The following ABCB1 variants were observed in gnomAD, a reference collection of about 807,000 sequenced individuals.
ABCB1 encodes ATP binding cassette subfamily B member 1.
A neutral mutation model predicts 142.0 loss-of-function variants in ABCB1; 69 were observed. That is an observed-to-expected ratio of 0.49 (90% CI 0.40 to 0.59). The LOEUF (loss-of-function observed/expected upper bound fraction) is 0.59. Among genes scored for constraint, ABCB1 ranks in the 20% least tolerant of loss-of-function variants. The probability of loss-of-function intolerance (pLI) is 0.00; values close to 1 mark genes in which losing one functional copy is unlikely to be tolerated. For synonymous variants in ABCB1, 532 were observed against 539.2 expected, an observed-to-expected ratio of 0.99 and a Z score of 0.18; for missense variants, 1,326 against 1,554.7, an observed-to-expected ratio of 0.85 and a Z score of 2.47.
intron 26 of ABCB1, among the ~76,000 whole-genome samples, chr7:87,507,645 T>A (rs1012152488): frequency 7.9e-5 from 12 of 152,168 alleles, no homozygotes; most frequent in Non-Finnish European, 1.6e-4. Flanking sequence ...GAAGGGAATC[T>A]TGGGAAAGAG....
In ABCB1 at chr7:87,639,927, G is replaced by A. The variant is rs28746501; in HGVS notation, c.-330-38849C>T. 7.9e-3 allele frequency among the ~76,000 whole-genome samples: 1,203 copies of A among 151,494 alleles called. 10 individuals are homozygous for A. The highest frequency in any genetic ancestry group is 0.013 in the Non-Finnish European group (903 of 67,808). ...ATTTATAGCTATCTTACTGTTCATT[G>A]TATGTTTGCTTTTTTCTCTTTTCTT... On this transcript the variant is annotated intron_variant, in intron 1 of 28. Coordinates refer to the ABCB1 transcript ENST00000265724.
Position 87,626,118 on chromosome 7 carries a change from T to TATATTGTCATATATATGTGTCAC in ABCB1, c.-330-25041_-330-25040insGTGACACATATATATGACAATAT, listed in dbSNP as rs1820455788. Among the ~76,000 whole-genome samples, 13 of 137,734 alleles carry TATATTGTCATATATATGTGTCAC rather than the reference T, an allele frequency of 9.4e-5. 2 individuals are homozygous for TATATTGTCATATATATGTGTCAC. Among genetic ancestry groups the TATATTGTCATATATATGTGTCAC allele is most frequent in the African/African-American group, 3.8e-4 (13 of 34,024 alleles). The allele number at this position is 137,734 out of a possible 152,430, so 90.4% of individuals were successfully genotyped here. A position where few individuals can be genotyped will look rare whatever the true frequency, so the allele number is the denominator to read the frequency against. On this transcript the variant is annotated intron_variant, in intron 1 of 28. Transcript: ENST00000265724. ...TATATATTGTCATATATATGTGTCA[T>TATATTGTCATATATATGTGTCAC]ATATATTGTCATATATATGTGTCAT...
intron 4 of ABCB1, among the ~76,000 whole-genome samples, chr7:87,578,214 A>G (rs1171162660): frequency 6.6e-6 from 1 of 152,200 alleles, no homozygotes; most frequent in Non-Finnish European, 1.5e-5. Context: ...AACTTTGTCA[A>G]AAATGAGTTC....
intron 4 of ABCB1, among the ~76,000 whole-genome samples, chr7:87,577,977 C>T (rs1818343670): frequency 6.6e-6 from 1 of 152,140 alleles, no homozygotes; most frequent in South Asian, 2.1e-4. Flanking sequence ...AGGGGTATTA[C>T]TCAAGAAATC....
intron 1 of ABCB1, among the ~76,000 whole-genome samples, chr7:87,694,484 G>A (rs1348723143): frequency 6.6e-6 from 1 of 152,028 alleles, no homozygotes; most frequent in Non-Finnish European, 1.5e-5. Context: ...GCTTAGAAAA[G>A]CAATATAGTC....
chr7:87,533,496 G>A (rs1686365078), intron 20 of ABCB1, among the ~76,000 whole-genome samples: 1 of 152,156 alleles, frequency 6.6e-6, no homozygotes, highest in African/African-American at 2.4e-5. Flanking sequence ...TAACTAAGAA[G>A]TCTAAGACCT....
At chr7:87,600,011 A>G in intron 2 of ABCB1, 106 bp downstream of exon 2, 1 of 1,180,028 alleles carries the variant, frequency 8.5e-7, no homozygotes, top group African/African-American at 1.5e-5. Flanking sequence ...TTTCTTAAAA[A>G]TAATTAAAAA....
At chr7:87,536,763 G>A (rs1816312983) in intron 19 of ABCB1, among the ~76,000 whole-genome samples, 1 of 152,206 alleles carries the variant, frequency 6.6e-6, no homozygotes, top group Non-Finnish European at 1.5e-5. Flanking sequence ...TCCTACGCAT[G>A]ATTTCTAAGT....
chr7:87,525,161 A>T (rs1254601464), intron 21 of ABCB1, among the ~76,000 whole-genome samples: 1 of 152,164 alleles, frequency 6.6e-6, no homozygotes, highest in Non-Finnish European at 1.5e-5. Context: ...AAGAGTTTTA[A>T]ATGGAGACTC....
intron 1 of ABCB1, among the ~76,000 whole-genome samples, chr7:87,629,837 A>G (rs578228905): frequency 1.3e-5 from 2 of 152,006 alleles, no homozygotes; most frequent in South Asian, 4.2e-4. Context: ...GAGGCAGGAG[A>G]ATCGATTGAA....
intron 1 of ABCB1, among the ~76,000 whole-genome samples, chr7:87,712,205 G>C (rs1399221248): frequency 1.3e-5 from 2 of 152,024 alleles, no homozygotes; most frequent in African/African-American, 4.8e-5. Context: ...TTTGCATAAA[G>C]TAAATCTGAT....
chr7:87,693,898 T>G, intron 1 of ABCB1: 1 of 1,607,370 alleles, frequency 6.2e-7, no homozygotes, highest in South Asian at 1.1e-5. Flanking sequence ...TTGTTATTTT[T>G]TTTTTAAAGA....
At chr7:87,515,949 G>A (rs553536952) in intron 24 of ABCB1, among the ~76,000 whole-genome samples, 53 of 152,248 alleles carry the variant, frequency 3.5e-4, no homozygotes, top group Admixed American at 2.9e-3. Flanking sequence ...AGCTTTCATA[G>A]CATGTATTGT....
intron 1 of ABCB1, among the ~76,000 whole-genome samples, chr7:87,658,988 C>T (rs1483508336): frequency 6.6e-6 from 1 of 152,086 alleles, no homozygotes; most frequent in African/African-American, 2.4e-5. Flanking sequence ...CCTGTCTCTA[C>T]AAAATATACA....
In ABCB1 at chr7:87,538,912, C is replaced by T. The variant is rs181522480; in HGVS notation, c.2397+356G>A. 1.3e-3 allele frequency among the ~76,000 whole-genome samples: 195 copies of T among 152,138 alleles called. 1 individual carries two copies. The highest frequency in any genetic ancestry group is 6.8e-3 in the Middle Eastern group (2 of 294). ...GAGGGCATCTCTTGGTGGGAAGAAA[C>T]ACTCGTGCCCTGGGTTTGCCAGGAG... On this transcript the variant is annotated intron_variant, in intron 19 of 27. Transcript: ENST00000622132.
intron 6 of ABCB1, 141 bp from the exon 7 acceptor site, chr7:87,566,382 T>G: frequency 1.2e-6 from 1 of 850,970 alleles, no homozygotes; most frequent in African/African-American, 1.7e-5. Flanking sequence ...GGGTAGAAGT[T>G]TCTACTAGGA....
intron 1 of ABCB1, chr7:87,628,829 C>G: frequency 8.0e-7 from 1 of 1,254,602 alleles, no homozygotes; most frequent in Non-Finnish European, 1.0e-6. Context: ...CCGCCATGGC[C>G]TCCCGGAGCC....
intron 1 of ABCB1, among the ~76,000 whole-genome samples, chr7:87,703,571 T>C (rs946258719): frequency 6.6e-6 from 1 of 152,200 alleles, no homozygotes; most frequent in Non-Finnish European, 1.5e-5. Context: ...CCTGCTTCAA[T>C]ATCTTTCAAC....
Position 87,585,605 on chromosome 7 carries a change from G to T in ABCB1, c.193C>A (p.Leu65Ile). ...CCAAACACCAGCATCATGAGAGGAA[G>T]TCCAGCCCCATGGATGATGGCAGCC... ...TLAAIIHGAGLPLMMLVFGEM... is the reference protein window; with the variant it reads ...TLAAIIHGAGIPLMMLVFGEM... Residue 65 changes from leucine (L) to isoleucine (I), a missense_variant, in exon 4 of 28, where the codon CTT becomes ATT. By Grantham distance (5) the Leu-to-Ile change is conservative. Transcript: ENST00000622132. 6.2e-7 allele frequency: 1 copy of T among 1,614,032 alleles called. No individual in the cohort carries two copies.
Sources: gnomAD v4.1 joint callset for allele counts (sites outside exome capture counted in the v4.1 genomes callset) on GRCh38, gnomAD v4.1.1 for gene constraint, MANE v1.5 for transcripts, NCBI Gene and HGNC (gene_info 2026-07-23, HGNC 2026-07-21) for gene names.